Variants in CNOT6L observed in about 807,000 individuals in gnomAD.
CNOT6L encodes the protein CCR4-NOT transcription complex subunit 6 like.
Under a neutral mutation model 64.0 loss-of-function variants are expected in CNOT6L, and 7 were observed. The observed-to-expected ratio is 0.11, with a 90% CI of 0.06 to 0.21. The LOEUF (loss-of-function observed/expected upper bound fraction) is 0.21, where lower values mean the gene tolerates loss of function less well. Ranked by LOEUF, CNOT6L falls within the 10% of genes least tolerant of loss-of-function variation. CNOT6L has a pLI of 1.00. For synonymous variants in CNOT6L, 193 were observed against 243.4 expected, an observed-to-expected ratio of 0.79 and a Z score of 1.93; for missense variants, 245 against 669.0, an observed-to-expected ratio of 0.37 and a Z score of 6.99.
At chr4:77,731,339 C>G in intron 9 of CNOT6L, 48 bp downstream of exon 9, 1 of 1,565,288 alleles carries the variant, frequency 6.4e-7, no homozygotes. Flanking sequence ...GATGGAAAAA[C>G]TTGGGATGGT....
At position 77,715,512 on chromosome 4, in the gene CNOT6L, G is replaced by T. The variant is rs1300263413; in HGVS notation, c.*4919C>A. On this transcript the variant is annotated 3_prime_UTR_variant, in exon 12 of 12. Coordinates refer to ENST00000504123, the MANE Select transcript of CNOT6L (RefSeq NM_144571.3). ...TCCTTTGGTTCCAGGAAAAACCCAA[G>T]TCTAACCAAATGTATGCCACAAGGA... 2.0e-5 allele frequency: 3 copies of T among 152,098 alleles called. No individual in the cohort carries two copies. Among genetic ancestry groups the T allele is most frequent in the South Asian group, 2.1e-4 (1 of 4,832 alleles). The allele number at this position is 152,098 out of a possible 1,614,324, so 9.4% of individuals were successfully genotyped here. A position where few individuals can be genotyped will look rare whatever the true frequency, so the allele number is the denominator to read the frequency against.
At chr4:77,775,451 C>T (rs1032322632) in intron 2 of CNOT6L, among the ~76,000 whole-genome samples, 3 of 152,076 alleles carry the variant, frequency 2.0e-5, no homozygotes, top group East Asian at 1.9e-4. Context: ...TTTAGATTTA[C>T]AGAAAAGTTA....
At chr4:77,739,016 C>G (rs1723288718) in intron 8 of CNOT6L, among the ~76,000 whole-genome samples, 1 of 152,120 alleles carries the variant, frequency 6.6e-6, no homozygotes, top group Non-Finnish European at 1.5e-5. Flanking sequence ...GAAGTAGATT[C>G]TGAATCCCCC....
chr4:77,771,079 A>G (rs145362684), intron 4 of CNOT6L, among the ~76,000 whole-genome samples: 1 of 152,240 alleles, frequency 6.6e-6, no homozygotes, highest in East Asian at 1.9e-4. Flanking sequence ...CAGCACTTTG[A>G]GAGGCTGAGG....
rs549069986 is a variant in CNOT6L, at chr4:77,789,639, G to A, written c.6-13247C>T. 2.0e-5 allele frequency among the ~76,000 whole-genome samples: 3 copies of A among 150,876 alleles called. No homozygotes were observed. The South Asian group carries it at 6.3e-4, about 32-fold the overall frequency. ...CATGCCACTGCACTCCAGCCTGGGC[G>A]ACAGAGGGAAACCCCGCCTCAAAAA... On this transcript the variant is annotated intron_variant, in intron 1 of 11. Transcript: ENST00000504123.
chr4:77,744,584 TA>T (rs1723991166), intron 7 of CNOT6L, 133 bp downstream of exon 7: 4 of 730,172 alleles, frequency 5.5e-6, no homozygotes, highest in Non-Finnish European at 6.2e-6. Context: ...AATTGTCCAT[TA>T]TTTTTAAGAG....
intron 1 of CNOT6L, among the ~76,000 whole-genome samples, chr4:77,794,551 A>G (rs995191410): frequency 1.3e-5 from 2 of 152,226 alleles, no homozygotes; most frequent in Admixed American, 1.3e-4. Flanking sequence ...AGATACATAA[A>G]AAGCATCTGA....
intron 1 of CNOT6L, among the ~76,000 whole-genome samples, chr4:77,794,485 AAAT>A (rs1178968033): frequency 1.3e-5 from 2 of 152,208 alleles, no homozygotes; most frequent in African/African-American, 2.4e-5. Flanking sequence ...TTAACGTTCA[AAAT>A]AATAAAAACC....
intron 1 of CNOT6L, among the ~76,000 whole-genome samples, chr4:77,797,531 G>A (rs1224576072): frequency 1.3e-5 from 2 of 152,176 alleles, no homozygotes; most frequent in Admixed American, 6.5e-5. Flanking sequence ...CAGTCTCACA[G>A]TGTGTTTAAG....
chr4:77,745,578 AC>A (rs1334297344), intron 6 of CNOT6L, among the ~76,000 whole-genome samples: 1 of 152,218 alleles, frequency 6.6e-6, no homozygotes, highest in East Asian at 1.9e-4. Context: ...GTGCAATTTA[AC>A]AAAATCTCCA....
At chr4:77,729,169 C>T in intron 9 of CNOT6L, 88 bp from the exon 10 acceptor site, 1 of 878,920 alleles carries the variant, frequency 1.1e-6, no homozygotes, top group Non-Finnish European at 1.8e-6. Flanking sequence ...ATATGATCCA[C>T]AGCTACTTCT....
Position 77,719,886 on chromosome 4 carries a change from TAG to T in CNOT6L, c.*543_*544del, listed in dbSNP as rs1721104901. 6.5e-6 allele frequency: 1 copy of T among 152,908 alleles called. No individual in the cohort carries two copies. The allele number at this position is 152,908 out of a possible 1,614,324, so 9.5% of individuals were successfully genotyped here. A position where few individuals can be genotyped will look rare whatever the true frequency, so the allele number is the denominator to read the frequency against. ...ATTTTTCAAATTTTCTTACCATGTA[TAG>T]AGGCTATATCATAGTTTATGGACTG... On this transcript the variant is annotated 3_prime_UTR_variant, in exon 12 of 12. Transcript: ENST00000504123.
intron 1 of CNOT6L, among the ~76,000 whole-genome samples, chr4:77,787,375 A>G (rs1321135210): frequency 6.6e-6 from 1 of 152,184 alleles, no homozygotes; most frequent in Non-Finnish European, 1.5e-5. Context: ...TTCTAGTTAC[A>G]CATCTGAGTG....
chr4:77,768,129 C>T (rs1304056701), intron 4 of CNOT6L, among the ~76,000 whole-genome samples: 1 of 151,894 alleles, frequency 6.6e-6, no homozygotes, highest in Non-Finnish European at 1.5e-5. Context: ...CACAAATGTA[C>T]TAACTACAAG....
chr4:77,782,719 A>G (rs1277815992), intron 1 of CNOT6L, among the ~76,000 whole-genome samples: 3 of 150,688 alleles, frequency 2.0e-5, no homozygotes, highest in Non-Finnish European at 4.4e-5. Context: ...GGCTCAAGCA[A>G]TCCTCCTGCC....
chr4:77,815,774 T>C (rs893792422), intron 1 of CNOT6L, among the ~76,000 whole-genome samples: 1 of 152,096 alleles, frequency 6.6e-6, no homozygotes, highest in Non-Finnish European at 1.5e-5. Context: ...CCCTAAGAAA[T>C]GGTGGAGTCA....
chr4:77,777,951 A>G (rs971394920), intron 1 of CNOT6L, among the ~76,000 whole-genome samples: 1 of 152,218 alleles, frequency 6.6e-6, no homozygotes, highest in Non-Finnish European at 1.5e-5. Context: ...GAGCAAAGAG[A>G]AAGTTTTCCA....
chr4:77,785,378 A>C (rs1215619633), intron 1 of CNOT6L, among the ~76,000 whole-genome samples: 1 of 152,200 alleles, frequency 6.6e-6, no homozygotes, highest in East Asian at 1.9e-4. Context: ...GATTACTTAG[A>C]TATAACATAA....
At chr4:77,794,495 A>C (rs1730576612) in intron 1 of CNOT6L, among the ~76,000 whole-genome samples, 1 of 152,208 alleles carries the variant, frequency 6.6e-6, no homozygotes, top group Admixed American at 6.5e-5. Context: ...AAATAATAAA[A>C]ACCACCTATT....
Sources: allele counts gnomAD v4.1 joint callset (sites outside exome capture counted in the v4.1 genomes callset), GRCh38; gene constraint gnomAD v4.1.1; transcripts MANE v1.5; gene names NCBI Gene and HGNC (gene_info 2026-07-23, HGNC 2026-07-21).